The following CAMK1D variants were observed in gnomAD, a reference collection of about 807,000 sequenced individuals.
CAMK1D encodes the protein calcium/calmodulin dependent protein kinase ID.
In CAMK1D, 9 loss-of-function variants were observed where a neutral mutation model predicts 47.7. The ratio of observed to expected loss-of-function variants is 0.19; its 90% CI spans 0.11 to 0.33. CAMK1D has a LOEUF of 0.33. CAMK1D is among the 10% of genes least tolerant of loss of function. The pLI, the probability that CAMK1D is intolerant of heterozygous loss-of-function variation, is 1.00. For synonymous variants in CAMK1D, 184 were observed against 184.9 expected, an observed-to-expected ratio of 0.99 and a Z score of 0.04; for missense variants, 291 against 488.7, an observed-to-expected ratio of 0.60 and a Z score of 3.81.
chr10:12,588,989 A>G (rs534099363), intron 2 of CAMK1D, among the ~76,000 whole-genome samples: 17 of 152,174 alleles, frequency 1.1e-4, no homozygotes, highest in African/African-American at 3.4e-4. Context: ...ATACATATAT[A>G]TAAAGGGACA....
intron 1 of CAMK1D, among the ~76,000 whole-genome samples, chr10:12,365,148 G>T (rs1373613019): frequency 6.6e-6 from 1 of 151,968 alleles, no homozygotes. Context: ...TAGAGACAGG[G>T]TTTCACCATG....
intron 3 of CAMK1D, among the ~76,000 whole-genome samples, chr10:12,744,650 G>A (rs1031687743): frequency 2.0e-5 from 3 of 152,046 alleles, no homozygotes; most frequent in African/African-American, 4.8e-5. Flanking sequence ...CAGCACTTTG[G>A]GAGGCTGAAG....
At chr10:12,740,781 A>G (rs1417757304) in intron 3 of CAMK1D, among the ~76,000 whole-genome samples, 2 of 152,108 alleles carry the variant, frequency 1.3e-5, no homozygotes, top group Non-Finnish European at 2.9e-5. Context: ...TTTTTTGCAT[A>G]GGACAACACA....
intron 1 of CAMK1D, among the ~76,000 whole-genome samples, chr10:12,527,383 G>A (rs1835660765): frequency 7.8e-6 from 1 of 128,100 alleles, no homozygotes; most frequent in South Asian, 2.8e-4. Flanking sequence ...GAGAGGGAGT[G>A]TCGCTCTGTT....
At chr10:12,592,290 T>C (rs1304835450) in intron 2 of CAMK1D, among the ~76,000 whole-genome samples, 1 of 152,214 alleles carries the variant, frequency 6.6e-6, no homozygotes, top group African/African-American at 2.4e-5. Context: ...TCTTCTTTCT[T>C]ATTTTGAAGA....
At chr10:12,378,362 C>T (rs561869447) in intron 1 of CAMK1D, among the ~76,000 whole-genome samples, 1 of 152,114 alleles carries the variant, frequency 6.6e-6, no homozygotes, top group Non-Finnish European at 1.5e-5. Context: ...TCTCCCTCCT[C>T]AGCCTCCTGT....
intron 1 of CAMK1D, among the ~76,000 whole-genome samples, chr10:12,425,697 A>C (rs542437488): frequency 6.6e-6 from 1 of 152,358 alleles, no homozygotes; most frequent in Non-Finnish European, 1.5e-5. Context: ...TCTTGAGGAC[A>C]AGGATGAATG....
chr10:12,814,243 T>C lies in CAMK1D; in HGVS notation c.690T>C (p.Phe230=), dbSNP rs781315798. ...ATGATGAAAATGACTCCAAGCTCTTTGAGCAGATCCTCAAGGCGGAATATG... is the reference window on the plus strand; with the variant it reads ...ATGATGAAAATGACTCCAAGCTCTTCGAGCAGATCCTCAAGGCGGAATATG... ...PFYDENDSKL[F]EQILKAEYEF... is the part of the protein sequence containing the mutation. The change falls in exon 7 of 11, where the codon TTT becomes TTC. Residue 230 remains phenylalanine, a synonymous_variant. Coordinates refer to ENST00000619168, the MANE Select transcript of CAMK1D (RefSeq NM_153498.4). 1.9e-6 allele frequency: 3 copies of C among 1,613,972 alleles called. No individual in the cohort carries two copies. Among genetic ancestry groups the C allele is most frequent in the East Asian group, 2.2e-5 (1 of 44,886 alleles).
At position 12,751,058 on chromosome 10, in the gene CAMK1D, TAAG is replaced by T. The variant is rs1179390797; in HGVS notation, c.300-9888_300-9886del. ...ACGGAGCCCGTCTCCCCCAATAAGATAAGATAAGATAAGATAAGATAAGATAAG... is the reference window on the plus strand; with the variant it reads ...ACGGAGCCCGTCTCCCCCAATAAGATATAAGATAAGATAAGATAAGATAAG... On this transcript the variant is annotated intron_variant, in intron 3 of 10. Transcript: ENST00000619168. 2.2e-3 allele frequency among the ~76,000 whole-genome samples: 3 copies of T among 1,366 alleles called. No homozygotes were observed. In the East Asian group the frequency reaches 0.041, roughly 18 times the overall value. The allele number at this position is 1,366 out of a possible 152,430, so 0.9% of individuals were successfully genotyped here.
At chr10:12,686,626 A>T (rs1050308422) in intron 3 of CAMK1D, among the ~76,000 whole-genome samples, 11 of 152,182 alleles carry the variant, frequency 7.2e-5, no homozygotes, top group African/African-American at 2.6e-4. Context: ...ACCTGGCCAT[A>T]TATACTTTTA....
intron 1 of CAMK1D, among the ~76,000 whole-genome samples, chr10:12,519,038 G>T (rs1200055262): frequency 9.0e-6 from 1 of 111,688 alleles, no homozygotes; most frequent in African/African-American, 3.3e-5. Flanking sequence ...CGGGCAGAGG[G>T]GCTCCTCACT....
At chr10:12,461,281 C>A (rs1460208285) in intron 1 of CAMK1D, among the ~76,000 whole-genome samples, 1 of 152,190 alleles carries the variant, frequency 6.6e-6, no homozygotes, top group Non-Finnish European at 1.5e-5. Flanking sequence ...TCTGAATTTA[C>A]TTTCTAGGCA....
intron 6 of CAMK1D, among the ~76,000 whole-genome samples, chr10:12,812,115 A>G (rs1832630600): frequency 1.3e-5 from 2 of 152,248 alleles, no homozygotes; most frequent in Admixed American, 1.3e-4. Flanking sequence ...TGTGCGTCCC[A>G]CGGGAGGAAC....
intron 3 of CAMK1D, among the ~76,000 whole-genome samples, chr10:12,672,376 C>G (rs1435277514): frequency 6.6e-6 from 1 of 151,192 alleles, no homozygotes; most frequent in Non-Finnish European, 1.5e-5. Flanking sequence ...TAGCTTTTGC[C>G]TTCTTTTTTT....
intron 2 of CAMK1D, among the ~76,000 whole-genome samples, chr10:12,588,745 CTCAAGA>C (rs990289939): frequency 1.1e-4 from 17 of 151,936 alleles, no homozygotes; most frequent in African/African-American, 4.1e-4. Flanking sequence ...CAGCATCAAA[CTCAAGA>C]GAGTTGTGTC....
intron 2 of CAMK1D, among the ~76,000 whole-genome samples, chr10:12,627,117 A>T (rs542014753): frequency 7.5e-6 from 1 of 133,592 alleles, no homozygotes; most frequent in African/African-American, 2.9e-5. Flanking sequence ...AGTCTTGCTC[A>T]GTCGCCCACA....
intron 1 of CAMK1D, among the ~76,000 whole-genome samples, chr10:12,448,248 CTCCTG>C (rs1832980127): frequency 6.6e-6 from 1 of 152,090 alleles, no homozygotes; most frequent in Non-Finnish European, 1.5e-5. Flanking sequence ...TGATCTTGAA[CTCCTG>C]GCCTCAAGTG....
chr10:12,480,395 A>T (rs2132096914), intron 1 of CAMK1D, among the ~76,000 whole-genome samples: 1 of 152,062 alleles, frequency 6.6e-6, no homozygotes, highest in South Asian at 2.1e-4. Flanking sequence ...AGATCGCGCC[A>T]CTGCACTCCA....
chr10:12,532,425 G>A (rs902610344), intron 1 of CAMK1D, among the ~76,000 whole-genome samples: 1 of 151,116 alleles, frequency 6.6e-6, no homozygotes, highest in Admixed American at 6.6e-5. Context: ...GACTACAGGC[G>A]CCCGCCACTA....
Sources: gnomAD v4.1 joint callset for allele counts (sites outside exome capture counted in the v4.1 genomes callset) on GRCh38, gnomAD v4.1.1 for gene constraint, MANE v1.5 for transcripts, NCBI Gene and HGNC (gene_info 2026-07-23, HGNC 2026-07-21) for gene names.